The following KLHL36 variants were observed in gnomAD, a reference collection of about 807,000 sequenced individuals.
KLHL36 encodes the protein kelch like family member 36.
A neutral mutation model predicts 53.3 loss-of-function variants in KLHL36; 35 were observed. The observed-to-expected ratio is 0.66, with a 90% CI of 0.50 to 0.87. The LOEUF is 0.87. KLHL36 is among the 40% of genes least tolerant of loss of function. The pLI is 0.00. For missense variants in KLHL36, 864 were observed against 897.6 expected, an observed-to-expected ratio of 0.96 and a Z score of 0.48; for synonymous variants, 472 against 398.9, an observed-to-expected ratio of 1.18 and a Z score of -2.18.
chr16:84,659,517 CCATCCCCCTTTT>C, intron 3 of KLHL36: 2 of 487,186 alleles, frequency 4.1e-6, no homozygotes, highest in Non-Finnish European at 3.7e-6. Flanking sequence ...CAGAGCATCT[CCATCCCCCTTTT>C]GGGGACTCAG....
intron 3 of KLHL36, 144 bp downstream of exon 3, chr16:84,658,088 A>C (rs1236510545): frequency 1.5e-5 from 10 of 658,746 alleles, no homozygotes; most frequent in Non-Finnish European, 2.5e-5. Context: ...CGAGCAGAAT[A>C]CCCCGGGGCC....
rs1189946011 is a variant in KLHL36 at position 84,658,265 on chromosome 16, G to T, written c.1137+321G>T. 1.2e-5 allele frequency: 3 copies of T among 254,698 alleles called. No individual in the cohort carries two copies. In the Admixed American group the frequency reaches 1.6e-4, roughly 14 times the overall value. 15.8% of individuals were successfully genotyped at this position (254,698 alleles called of 1,614,324 possible). A position where few individuals can be genotyped will look rare whatever the true frequency, so the allele number is the denominator to read the frequency against. On this transcript the variant is annotated intron_variant, in intron 3 of 4. Coordinates refer to ENST00000564996, the MANE Select transcript of KLHL36 (RefSeq NM_024731.4). ...GTGGCGACTGAGCACTTGAAATGTG[G>T]CCAGTGCGACTGAAGAAGTCAATTT...
chr16:84,659,637 T>C (rs1365150111), intron 3 of KLHL36, 123 bp from the exon 4 acceptor site: 3 of 1,029,564 alleles, frequency 2.9e-6, no homozygotes, highest in Non-Finnish European at 4.3e-6. Context: ...TCAGGTGCAG[T>C]TCCCTTTCCC....
Position 84,662,121 on chromosome 16 carries a change from C to G in KLHL36, c.1839C>G (p.Asp613Glu). ...KKKGKGKRHQDRGQ is the reference protein window; with the variant it reads ...KKKGKGKRHQERGQ ...AAGGCAAAGGCAAGAGGCACCAGGA[C>G]CGGGGCCAGTGACCCTAGCTGCGCC... is the stretch of plus-strand genomic sequence containing the variant. Residue 613 changes from aspartate (D) to glutamate (E), a missense_variant, in exon 5 of 5, where the codon GAC becomes GAG. Coordinates refer to ENST00000564996, the MANE Select transcript of KLHL36 (RefSeq NM_024731.4). 1 of 1,543,536 alleles carries G rather than the reference C, an allele frequency of 6.5e-7. No individual in the cohort carries two copies. The highest frequency in any genetic ancestry group is 8.8e-7 in the Non-Finnish European group (1 of 1,142,438).
At chr16:84,653,757 C>T (rs1444445022) in intron 2 of KLHL36, among the ~76,000 whole-genome samples, 1 of 149,668 alleles carries the variant, frequency 6.7e-6, no homozygotes, top group Non-Finnish European at 1.5e-5. Context: ...GGAGAATCGC[C>T]TGAACCTGGG....
intron 2 of KLHL36, among the ~76,000 whole-genome samples, chr16:84,653,141 C>G (rs748606493): frequency 6.6e-6 from 1 of 151,996 alleles, no homozygotes; most frequent in Non-Finnish European, 1.5e-5. Flanking sequence ...CACTTGAGCC[C>G]AGGAGGTAGA....
chr16:84,651,052 G>A (rs1250852569), intron 2 of KLHL36, 122 bp downstream of exon 2: 1 of 769,752 alleles, frequency 1.3e-6, no homozygotes, highest in Admixed American at 3.0e-5. Context: ...TCTCCTTAAT[G>A]ACAAGTAAAG....
At position 84,657,559 on chromosome 16, in the gene KLHL36, C is replaced by T. The variant is rs1245509822; in HGVS notation, c.752C>T (p.Pro251Leu). 6.8e-6 allele frequency: 11 copies of T among 1,610,534 alleles called. No homozygotes were observed. Among genetic ancestry groups the T allele is most frequent in the South Asian group, 1.1e-5 (1 of 91,086 alleles). The change falls in exon 3 of 5, where the codon CCG (proline) becomes CTG (leucine). Residue 251 changes from proline to leucine, a missense_variant. Physicochemically the swap from Pro to Leu is moderately conservative, Grantham distance 98. Transcript: ENST00000564996. The stretch of plus-strand genomic sequence containing the variant: ...AACGACCTGCTGCACCGCGTCAAGC[C>T]GGCCGTGTGCTCGCTGCTGCCCAAG... ...PKNDLLHRVK[P>L]AVCSLLPKEA... is the part of the protein sequence containing the mutation.
rs540487659 is a variant in KLHL36 at position 84,667,148 on chromosome 16, G to A, written c.*5015G>A. The A allele has an allele frequency of 2.0e-5, 3 of 152,130 alleles. No homozygotes were observed. The highest frequency in any genetic ancestry group is 6.5e-5 in the Admixed American group (1 of 15,272). 9.4% of individuals were successfully genotyped at this position (152,130 alleles called of 1,614,324 possible). On this transcript the variant is annotated 3_prime_UTR_variant, in exon 5 of 5. Transcript: ENST00000564996. ...AATGTACACATTTCGGTAGTGGGGGGGCAGAGCGGATAACCCCTTCCTTGT... is the reference window on the plus strand; with the variant it reads ...AATGTACACATTTCGGTAGTGGGGGAGCAGAGCGGATAACCCCTTCCTTGT...
rs1465919987 is a variant in KLHL36, at chr16:84,663,430, C to G, written c.*1297C>G. 6.6e-6 allele frequency: 1 copy of G among 152,232 alleles called. No homozygotes were observed. Among genetic ancestry groups the G allele is most frequent in the Non-Finnish European group, 1.5e-5 (1 of 68,062 alleles). The allele number at this position is 152,232 out of a possible 1,614,324, so 9.4% of individuals were successfully genotyped here. Reference sequence around the variant, plus strand: ...GGGTCGCTTGCCCTTTAAGAGGGCTCTTAGCTGCCCGAGTGGATGAGAAAC... The same window carrying G: ...GGGTCGCTTGCCCTTTAAGAGGGCTGTTAGCTGCCCGAGTGGATGAGAAAC... On this transcript the variant is annotated 3_prime_UTR_variant, in exon 5 of 5. Transcript: ENST00000564996.
intron 4 of KLHL36, 34 bp downstream of exon 4, chr16:84,659,951 G>T: frequency 6.3e-7 from 1 of 1,589,912 alleles, no homozygotes; most frequent in South Asian, 1.1e-5. Context: ...TTCTCCAAAT[G>T]GGATGTTTTT....
At chr16:84,660,416 G>A (rs1175825036) in intron 4 of KLHL36, among the ~76,000 whole-genome samples, 2 of 152,146 alleles carry the variant, frequency 1.3e-5, no homozygotes, top group African/African-American at 2.4e-5. Flanking sequence ...GTGCCCCAGG[G>A]TGGCCGCCTC....
At chr16:84,649,705 T>G (rs1906718923) in intron 1 of KLHL36, among the ~76,000 whole-genome samples, 1 of 152,214 alleles carries the variant, frequency 6.6e-6, no homozygotes. Context: ...GTGCCCGAAT[T>G]CATTCCTTCC....
chr16:84,661,535 C>T lies in KLHL36; in HGVS notation c.1296-43C>T, dbSNP rs199663729. On this transcript the variant is annotated intron_variant, in intron 4 of 4. Transcript: ENST00000564996. The surrounding 1 kb of genome is among the most constrained non-coding windows in gnomAD (Gnocchi z 7.9). ...CGGCTCGGAGGGGGTAAGCCTGGCA[C>T]AGCCCTGAGCTCTCCCTCTGTCTCT... 51 of 1,529,440 alleles carry T rather than the reference C, an allele frequency of 3.3e-5. No homozygotes were observed. Among genetic ancestry groups the T allele is most frequent in the Non-Finnish European group, 4.5e-5 (51 of 1,133,654 alleles). 94.7% of individuals were successfully genotyped at this position (1,529,440 alleles called of 1,614,324 possible).
At chr16:84,658,510 G>C (rs1225945965) in intron 3 of KLHL36, 2 of 152,320 alleles carry the variant, frequency 1.3e-5, no homozygotes, top group African/African-American at 4.8e-5. Context: ...ATTGTGTCCT[G>C]ATTCTGGGAA....
chr16:84,662,233 A>C lies in KLHL36; in HGVS notation c.*100A>C. The C allele has an allele frequency of 9.1e-7, 1 of 1,094,786 alleles. No individual in the cohort carries two copies. The highest frequency in any genetic ancestry group is 1.7e-5 in the South Asian group (1 of 57,512). 67.8% of individuals were successfully genotyped at this position (1,094,786 alleles called of 1,614,324 possible). A position where few individuals can be genotyped will look rare whatever the true frequency, so the allele number is the denominator to read the frequency against. On this transcript the variant is annotated 3_prime_UTR_variant, in exon 5 of 5. Coordinates refer to ENST00000564996, the MANE Select transcript of KLHL36 (RefSeq NM_024731.4). ...ATTCCGGAAACATTATGTACAACTT[A>C]GCAGCTTTTTTTACTTTTATGATTC...
rs768828091 is a variant in KLHL36, at chr16:84,657,545, G to A, written c.738G>A (p.Leu246=). 7 of 1,610,372 alleles carry A rather than the reference G, an allele frequency of 4.3e-6. No individual in the cohort carries two copies. The South Asian group carries it at 6.6e-5, about 15-fold the overall frequency. Residue 246 remains leucine (L), a synonymous_variant, in exon 3 of 5, where the codon CTG becomes CTA. Coordinates refer to ENST00000564996, the MANE Select transcript of KLHL36 (RefSeq NM_024731.4). ...HFPLIPKNDL[L]HRVKPAVCSL... ...CGCTCATCCCCAAGAACGACCTGCTGCACCGCGTCAAGCCGGCCGTGTGCT... is the reference window on the plus strand; with the variant it reads ...CGCTCATCCCCAAGAACGACCTGCTACACCGCGTCAAGCCGGCCGTGTGCT...
Position 84,657,690 on chromosome 16 carries a change from G to C in KLHL36, c.883G>C (p.Glu295Gln). ...GCGCACGGCGCTGCGCACCAACCAG[G>C]AGCGCCTGCTGTTTGTGGGCGGCGA... is the stretch of plus-strand genomic sequence containing the variant. Reference protein sequence around the residue: ...TKRTALRTNQERLLFVGGEVS... With the variant: ...TKRTALRTNQQRLLFVGGEVS... The change falls in exon 3 of 5, where the codon GAG becomes CAG. Residue 295 changes from glutamate to glutamine, a missense_variant. Transcript: ENST00000564996. The C allele has an allele frequency of 1.2e-6, 2 of 1,612,732 alleles. No individual in the cohort carries two copies. Among genetic ancestry groups the C allele is most frequent in the Non-Finnish European group, 1.7e-6 (2 of 1,179,812 alleles).
Position 84,653,771 on chromosome 16 carries a change from C to A in KLHL36, c.63+2841C>A, listed in dbSNP as rs1000477222. Among the ~76,000 whole-genome samples, 22 of 136,166 alleles carry A rather than the reference C, an allele frequency of 1.6e-4. 2 individuals are homozygous for A. Among genetic ancestry groups the A allele is most frequent in the Admixed American group, 9.2e-4 (11 of 11,916 alleles). The allele number at this position is 136,166 out of a possible 152,430, so 89.3% of individuals were successfully genotyped here. A position where few individuals can be genotyped will look rare whatever the true frequency, so the allele number is the denominator to read the frequency against. On this transcript the variant is annotated intron_variant, in intron 2 of 4. Transcript: ENST00000564996. Reference sequence around the variant, plus strand: ...AGGAGAATCGCCTGAACCTGGGAGGCGGAGGTTGCAGTGAGCCGAGATCGA... The same window carrying A: ...AGGAGAATCGCCTGAACCTGGGAGGAGGAGGTTGCAGTGAGCCGAGATCGA...
Sources: allele counts gnomAD v4.1 joint callset (sites outside exome capture counted in the v4.1 genomes callset), GRCh38; gene constraint gnomAD v4.1.1; non-coding constraint Gnocchi (gnomAD v3.1); transcripts MANE v1.5; gene names NCBI Gene and HGNC (gene_info 2026-07-23, HGNC 2026-07-21).